Variants in SLC25A14 observed in about 807,000 individuals in gnomAD.
The protein encoded by SLC25A14 is solute carrier family 25 member 14, also known as brain mitochondrial carrier protein 1.
SLC25A14 carries 8 observed loss-of-function variants against 28.1 expected under a neutral mutation model. That is an observed-to-expected ratio of 0.28 (90% CI 0.17 to 0.51). SLC25A14 has a LOEUF of 0.51. Among genes scored for constraint, SLC25A14 ranks in the 20% least tolerant of loss-of-function variants. The pLI is 0.97. For missense variants in SLC25A14, 135 were observed against 263.8 expected (o/e 0.51, Z 3.38); for synonymous variants, 74 against 90.6 (o/e 0.82, Z 1.04).
intron 8 of SLC25A14, 131 bp downstream of exon 8, chrX:130,364,883 A>G: frequency 9.2e-7 from 1 of 1,081,181 alleles, no homozygotes; most frequent in Non-Finnish European, 1.2e-6. Flanking sequence ...TCCTATTATC[A>G]GAACTTCAAG....
intron 9 of SLC25A14, among the ~76,000 whole-genome samples, chrX:130,367,780 G>GA (rs1489299178): frequency 1.8e-5 from 2 of 111,667 alleles, no homozygotes; most frequent in East Asian, 2.8e-4. Context: ...CTGGGCCAAG[G>GA]AAAAAACACT....
intron 7 of SLC25A14, among the ~76,000 whole-genome samples, chrX:130,361,724 G>A (rs1603264161): frequency 1.8e-5 from 2 of 112,016 alleles, no homozygotes; most frequent in Admixed American, 1.9e-4. Context: ...CACAGTCCCC[G>A]TTGAGAGAGG....
chrX:130,358,589 G>C, intron 6 of SLC25A14, 51 bp from the exon 7 acceptor site: 1 of 774,118 alleles, frequency 1.3e-6, no homozygotes, highest in Non-Finnish European at 1.9e-6. Flanking sequence ...AATGAATTTA[G>C]CATTTTGGTT....
chrX:130,347,599 T>G (rs967092277), intron 4 of SLC25A14, among the ~76,000 whole-genome samples: 4 of 111,693 alleles, frequency 3.6e-5, no homozygotes, highest in Non-Finnish European at 7.5e-5. Flanking sequence ...AGAACTTAAA[T>G]AGGGTGGAAT....
chrX:130,355,027 C>T (rs1019623821), intron 6 of SLC25A14, among the ~76,000 whole-genome samples: 2 of 112,191 alleles, frequency 1.8e-5, no homozygotes, highest in African/African-American at 3.2e-5. Flanking sequence ...GTACGGGTCT[C>T]GATCCAGGAT....
At chrX:130,347,234 G>A (rs1323292305) in intron 4 of SLC25A14, among the ~76,000 whole-genome samples, 1 of 111,136 alleles carries the variant, frequency 9.0e-6, no homozygotes, top group African/African-American at 3.3e-5. Flanking sequence ...TCAGAGAATA[G>A]ACATCAATTT....
At chrX:130,361,893 A>G (rs939850175) in intron 7 of SLC25A14, among the ~76,000 whole-genome samples, 1 of 111,219 alleles carries the variant, frequency 9.0e-6, no homozygotes, top group African/African-American at 3.3e-5. Context: ...TTTTGGAAAC[A>G]CTGTGGGCCA....
intron 9 of SLC25A14, among the ~76,000 whole-genome samples, chrX:130,367,842 G>A (rs187349292): frequency 1.8e-5 from 2 of 112,092 alleles, no homozygotes; most frequent in African/African-American, 6.5e-5. Flanking sequence ...GAGTGCAATG[G>A]CGTGATCTCT....
chrX:130,370,377 A>G (rs1204965559), intron 9 of SLC25A14, among the ~76,000 whole-genome samples: 9 of 111,974 alleles, frequency 8.0e-5, no homozygotes. Flanking sequence ...TGGAAAGGCA[A>G]AATAACATTT....
At chrX:130,353,516 C>T (rs2033684526) in intron 6 of SLC25A14, among the ~76,000 whole-genome samples, 1 of 112,001 alleles carries the variant, frequency 8.9e-6, no homozygotes, top group Admixed American at 9.4e-5. Context: ...GATTTTGATA[C>T]ATGCTCAAGT....
At chrX:130,342,823 G>T (rs1225698759) in intron 2 of SLC25A14, among the ~76,000 whole-genome samples, 1 of 106,450 alleles carries the variant, frequency 9.4e-6, no homozygotes, top group Admixed American at 1.0e-4. Context: ...GGCGTAAGAA[G>T]AATCTGATCT....
Position 130,361,736 on chromosome X carries a change from C to A in SLC25A14, c.595-2892C>A, listed in dbSNP as rs1027416596. Among the ~76,000 whole-genome samples, 10 of 112,148 alleles carry A rather than the reference C, an allele frequency of 8.9e-5. No homozygotes were observed. The East Asian group carries it at 2.8e-3, about 31-fold the overall frequency. ...GAGCACAGTCCCCGTTGAGAGAGGA[C>A]AGCTACTCCTTAGCTCCAGCCCATT... is the stretch of plus-strand genomic sequence containing the variant. On this transcript the variant is annotated intron_variant, in intron 7 of 10. Transcript: ENST00000545805.
At chrX:130,364,972 C>G in intron 8 of SLC25A14, 1 of 898,388 alleles carries the variant, frequency 1.1e-6, no homozygotes, top group Non-Finnish European at 1.4e-6. Context: ...TCTAATACAG[C>G]AGCCTATCAG....
chrX:130,372,274 G>A (rs768632471), intron 10 of SLC25A14, among the ~76,000 whole-genome samples: 22 of 110,620 alleles, frequency 2.0e-4, no homozygotes, highest in East Asian at 8.5e-4. Flanking sequence ...ATTATATGTC[G>A]TCACTGATGT....
chrX:130,368,023 C>G (rs1426616766), intron 9 of SLC25A14, among the ~76,000 whole-genome samples: 1 of 112,457 alleles, frequency 8.9e-6, no homozygotes. Context: ...TCGTGATCCA[C>G]CCGCCTTGGC....
intron 2 of SLC25A14, among the ~76,000 whole-genome samples, chrX:130,342,665 T>A (rs1232310895): frequency 5.4e-5 from 6 of 110,753 alleles, no homozygotes; most frequent in Non-Finnish European, 1.1e-4. Flanking sequence ...AAAGAGATTT[T>A]ACTATCAGAT....
At chrX:130,371,527 T>G (rs2034261598) in intron 9 of SLC25A14, 37 bp from the exon 10 acceptor site, 1 of 1,051,233 alleles carries the variant, frequency 9.5e-7, no homozygotes, top group Non-Finnish European at 1.3e-6. Flanking sequence ...TAGAGAAAGG[T>G]GAATTCACTC....
At chrX:130,340,758 C>T (rs1252580556) in intron 2 of SLC25A14, among the ~76,000 whole-genome samples, 1 of 111,233 alleles carries the variant, frequency 9.0e-6, no homozygotes, top group Admixed American at 9.6e-5. Flanking sequence ...CCCTGCCTCT[C>T]CCGTTTGTAA....
intron 5 of SLC25A14, among the ~76,000 whole-genome samples, chrX:130,350,044 G>A (rs760445424): frequency 6.1e-4 from 68 of 111,361 alleles, no homozygotes; most frequent in Non-Finnish European, 1.0e-3. Context: ...TGAAGGAGCG[G>A]TAAAGATTGA....
Sources: allele counts gnomAD v4.1 joint callset (sites outside exome capture counted in the v4.1 genomes callset), GRCh38; gene constraint gnomAD v4.1.1; transcripts MANE v1.5; gene names NCBI Gene and HGNC (gene_info 2026-07-23, HGNC 2026-07-21).